SGK2: variants seen among roughly 807,000 people sequenced by gnomAD.
SGK2 encodes the protein serine/threonine-protein kinase Sgk2.
Under a neutral mutation model 47.5 loss-of-function variants are expected in SGK2, and 36 were observed. The ratio of observed to expected loss-of-function variants is 0.76; its 90% CI spans 0.58 to 1.00. The LOEUF is 1.00. Among genes scored for constraint, SGK2 ranks in the 50% least tolerant of loss-of-function variants. The pLI, the probability that SGK2 is intolerant of heterozygous loss-of-function variation, is 0.00. For synonymous variants in SGK2, 157 were observed against 181.9 expected, an observed-to-expected ratio of 0.86 and a Z score of 1.10; for missense variants, 404 against 467.4, an observed-to-expected ratio of 0.86 and a Z score of 1.25.
In SGK2 at chr20:43,566,580, C is replaced by T. The variant is rs183233061; in HGVS notation, c.36+49C>T. On this transcript the variant is annotated intron_variant, in intron 2 of 12. Transcript: ENST00000373100. ...CCATCATCGGGGGCTCACTTCTTCCCGAGGCTAAGGAAATCTGTGGGTCCC... is the reference window on the plus strand; with the variant it reads ...CCATCATCGGGGGCTCACTTCTTCCTGAGGCTAAGGAAATCTGTGGGTCCC... 7.2e-5 allele frequency: 96 copies of T among 1,339,160 alleles called. No homozygotes were observed. The East Asian group carries it at 8.8e-4, about 12-fold the overall frequency. 83.0% of individuals were successfully genotyped at this position (1,339,160 alleles called of 1,614,324 possible).
chr20:43,571,064 GGTGTGTGT>G lies in SGK2; in HGVS notation c.510+35_510+42del, dbSNP rs11467250. 6,021 of 1,550,122 alleles carry G rather than the reference GGTGTGTGT, an allele frequency of 3.9e-3. No homozygotes were observed. Among genetic ancestry groups the G allele is most frequent in the South Asian group, 0.014 (1,250 of 87,836 alleles). ...GAACATTCTCTTGGACTGCCAGGTT[GGTGTGTGT>G]GTGTGTGTGTGTGTGTGTGTGTGTG... On this transcript the variant is annotated splice_donor_5th_base_variant and intron_variant, in intron 8 of 12. Coordinates refer to ENST00000373100, the MANE Select transcript of SGK2 (RefSeq NM_170693.3).
intron 9 of SGK2, among the ~76,000 whole-genome samples, chr20:43,574,503 T>C (rs566534837): frequency 6.6e-6 from 1 of 152,108 alleles, no homozygotes; most frequent in African/African-American, 2.4e-5. Context: ...TTTGCAAAAA[T>C]AGAAAAAGGC....
chr20:43,565,273 C>G (rs1226269066), intron 1 of SGK2: 2 of 152,370 alleles, frequency 1.3e-5, no homozygotes, highest in African/African-American at 4.8e-5. Context: ...AGAGGCCTCT[C>G]CTCAGACTCG....
intron 11 of SGK2, among the ~76,000 whole-genome samples, chr20:43,578,190 G>T (rs956136141): frequency 4.6e-5 from 7 of 152,038 alleles, no homozygotes; most frequent in African/African-American, 1.7e-4. Context: ...TAGTGGTTAA[G>T]ATGAATGGAC....
Position 43,580,016 on chromosome 20 carries a change from T to C in SGK2, c.894T>C (p.Asp298=). ...TATTCTTCAGCCCCATAAACTGGGA[T>C]GACCTGTACCACAAGAGGCTAACTC... ...NHVFFSPINW[D]DLYHKRLTPP... The change falls in exon 12 of 13, where the codon GAT becomes GAC. Residue 298 remains aspartate (D), a synonymous_variant. Coordinates refer to ENST00000373100, the MANE Select transcript of SGK2 (RefSeq NM_170693.3). The C allele has an allele frequency of 1.2e-6, 2 of 1,612,454 alleles. No homozygotes were observed. Among genetic ancestry groups the C allele is most frequent in the Non-Finnish European group, 1.7e-6 (2 of 1,179,186 alleles).
chr20:43,569,648 G>T (rs1227578413), intron 6 of SGK2, 132 bp downstream of exon 6: 2 of 1,068,484 alleles, frequency 1.9e-6, no homozygotes, highest in Non-Finnish European at 2.7e-6. Context: ...TGTAGCTAAA[G>T]AAACTGAGGT....
rs199884104 is a variant in SGK2, at chr20:43,566,516, G to T, written c.21G>T (p.Gly7=). 7 of 1,613,460 alleles carry T rather than the reference G, an allele frequency of 4.3e-6. No individual in the cohort carries two copies. The highest frequency in any genetic ancestry group is 5.1e-6 in the Non-Finnish European group (6 of 1,179,650). The change falls in exon 2 of 13, where the codon GGG becomes GGT. Residue 7 remains glycine, a synonymous_variant. Coordinates refer to ENST00000373100, the MANE Select transcript of SGK2 (RefSeq NM_170693.3). The part of the protein sequence containing the change: MNSSPA[G]TPSPQPSRAN... ...ACAGAATGAACTCTAGCCCAGCTGG[G>T]ACCCCAAGTCCACAGGTGAGTGGTT...
At chr20:43,579,355 C>G (rs1980656795) in intron 11 of SGK2, among the ~76,000 whole-genome samples, 1 of 152,118 alleles carries the variant, frequency 6.6e-6, no homozygotes, top group South Asian at 2.1e-4. Flanking sequence ...TTAACCAGCC[C>G]ACTGGGGTTC....
At chr20:43,562,375 T>G (rs566886854) in intron 1 of SGK2, among the ~76,000 whole-genome samples, 8 of 121,878 alleles carry the variant, frequency 6.6e-5, no homozygotes, top group African/African-American at 2.3e-4. Flanking sequence ...CCTAGATCAC[T>G]CCACTACACT....
chr20:43,567,488 T>G lies in SGK2; in HGVS notation c.87-177T>G, dbSNP rs142137804. ...GTTCCCCTGGGGCCAGGGTGAATCT[T>G]ACAAGCCCTCTTTCGGCTGGGAGAA... On this transcript the variant is annotated intron_variant, in intron 3 of 12. Coordinates refer to ENST00000373100, the MANE Select transcript of SGK2 (RefSeq NM_170693.3). Among the ~76,000 whole-genome samples, 37 of 152,296 alleles carry G rather than the reference T, an allele frequency of 2.4e-4. 1 individual carries two copies. In the East Asian group the frequency reaches 6.9e-3, roughly 29 times the overall value.
chr20:43,565,553 C>G (rs1979649072), intron 1 of SGK2, among the ~76,000 whole-genome samples: 1 of 152,128 alleles, frequency 6.6e-6, no homozygotes, highest in Non-Finnish European at 1.5e-5. Flanking sequence ...GCCTCCAGGA[C>G]CCCCCCTTGT....
intron 12 of SGK2, among the ~76,000 whole-genome samples, chr20:43,581,499 C>T (rs1183372427): frequency 6.6e-6 from 1 of 152,012 alleles, no homozygotes; most frequent in Non-Finnish European, 1.5e-5. Context: ...AGATGGATTC[C>T]ATATGGGGAA....
At position 43,571,064 on chromosome 20, in the gene SGK2, G is replaced by GGTGTGTGTGTGT. The variant is rs11467250; in HGVS notation, c.510+31_510+42dup. ...GAACATTCTCTTGGACTGCCAGGTT[G>GGTGTGTGTGTGT]GTGTGTGTGTGTGTGTGTGTGTGTG... is the stretch of plus-strand genomic sequence containing the variant. On this transcript the variant is annotated splice_donor_region_variant and intron_variant, in intron 8 of 12. Transcript: ENST00000373100. The GGTGTGTGTGTGT allele has an allele frequency of 5.9e-5, 93 of 1,566,142 alleles. No individual in the cohort carries two copies. The African/African-American group carries it at 1.2e-3, about 21-fold the overall frequency.
chr20:43,573,784 T>C (rs945357632), intron 9 of SGK2, among the ~76,000 whole-genome samples: 8 of 152,204 alleles, frequency 5.3e-5, no homozygotes, highest in Non-Finnish European at 8.8e-5. Context: ...TGTTTGGGTA[T>C]GGTGGGTGGT....
intron 10 of SGK2, among the ~76,000 whole-genome samples, chr20:43,575,249 G>C (rs2145550635): frequency 6.6e-6 from 1 of 152,232 alleles, no homozygotes; most frequent in African/African-American, 2.4e-5. Context: ...GATCACCTGA[G>C]GTCAGGAGTT....
At chr20:43,567,154 C>T (rs773446020) in intron 3 of SGK2, 37 bp downstream of exon 3, 2 of 1,557,436 alleles carry the variant, frequency 1.3e-6, no homozygotes, top group Non-Finnish European at 1.8e-6. Flanking sequence ...TCCTACTTGA[C>T]TCCCCTCATA....
chr20:43,562,742 A>T (rs192878896), intron 1 of SGK2, among the ~76,000 whole-genome samples: 2 of 152,354 alleles, frequency 1.3e-5, no homozygotes, highest in East Asian at 3.9e-4. Context: ...TCTTTCTTAA[A>T]AAATAAATAA....
intron 1 of SGK2, 52 bp from the exon 2 acceptor site, chr20:43,566,421 G>C: frequency 6.2e-7 from 1 of 1,614,102 alleles, no homozygotes; most frequent in Non-Finnish European, 8.5e-7. Flanking sequence ...GATGGGCGGA[G>C]CTGACCCCCC....
At chr20:43,580,789 C>G (rs6093857) in intron 12 of SGK2, among the ~76,000 whole-genome samples, 127,633 of 149,078 alleles carry the variant, frequency 0.86, 54,746 homozygotes, top group Middle Eastern at 0.91. Context: ...GTAGCAGTGG[C>G]GAAATGCTTA....
Sources: allele counts gnomAD v4.1 joint callset (sites outside exome capture counted in the v4.1 genomes callset), GRCh38; gene constraint gnomAD v4.1.1; transcripts MANE v1.5; gene names NCBI Gene and HGNC (gene_info 2026-07-23, HGNC 2026-07-21).